Variants in GEN1 observed in about 807,000 individuals in gnomAD.
The protein encoded by GEN1 is flap endonuclease GEN homolog 1.
A neutral mutation model predicts 67.6 loss-of-function variants in GEN1; 64 were observed. The ratio of observed to expected loss-of-function variants is 0.95; its 90% CI spans 0.77 to 1.17. The LOEUF (loss-of-function observed/expected upper bound fraction) is 1.17. Ranked by LOEUF, GEN1 falls within the 50% of genes most tolerant of loss-of-function variation. GEN1 has a pLI of 0.00. For missense variants in GEN1, 1,058 were observed against 1,048.3 expected (o/e 1.01, Z -0.13); for synonymous variants, 371 against 359.4 (o/e 1.03, Z -0.37).
chr2:17,762,492 C>A (rs1671736232), intron 3 of GEN1, among the ~76,000 whole-genome samples: 1 of 152,040 alleles, frequency 6.6e-6, no homozygotes, highest in East Asian at 1.9e-4. Context: ...CAGGTGTGAG[C>A]CCCTGTGCCT....
At chr2:17,760,131 A>G in intron 2 of GEN1, 27 bp downstream of exon 2, 1 of 1,594,698 alleles carries the variant, frequency 6.3e-7, no homozygotes. Flanking sequence ...TACAGTATAA[A>G]TGTATGATGT....
At position 17,765,948 on chromosome 2, in the gene GEN1, AATATATAT is replaced by A. The variant is rs10607623; in HGVS notation, c.526-620_526-613del. On this transcript the variant is annotated intron_variant, in intron 4 of 13. Transcript: ENST00000381254. ...GTTACGGGGAATGTTTACTTTCTATAATATATATATATATATATGTTACAGTGTTTTAT... is the reference window on the plus strand; with the variant it reads ...GTTACGGGGAATGTTTACTTTCTATAATATATATATGTTACAGTGTTTTAT... Among the ~76,000 whole-genome samples the A allele has an allele frequency of 3.4e-5, 5 of 148,970 alleles. No individual in the cohort carries two copies. The East Asian group carries it at 9.8e-4, about 29-fold the overall frequency.
intron 6 of GEN1, among the ~76,000 whole-genome samples, chr2:17,769,337 C>A (rs952019944): frequency 1.8e-4 from 28 of 151,492 alleles, no homozygotes; most frequent in African/African-American, 5.6e-4. Context: ...CTTGGTTTCC[C>A]AAAGTGTTAG....
chr2:17,764,785 A>G lies in GEN1; in HGVS notation c.349-112A>G, dbSNP rs1232391333. On this transcript the variant is annotated intron_variant, in intron 3 of 13. Coordinates refer to ENST00000381254, the MANE Select transcript of GEN1 (RefSeq NM_001130009.3). ...GTGTTTCTTAAATATCGTAATTTTT[A>G]AAACACCAAAATAGCTACTATTAAT... 1.9e-5 allele frequency: 19 copies of G among 976,918 alleles called. No individual in the cohort carries two copies. The East Asian group carries it at 4.5e-4, about 23-fold the overall frequency. 60.5% of individuals were successfully genotyped at this position (976,918 alleles called of 1,614,324 possible). A position where few individuals can be genotyped will look rare whatever the true frequency, so the allele number is the denominator to read the frequency against.
rs980473075 is a variant in GEN1, at chr2:17,768,731, C to G, written c.637-7C>G. On this transcript the variant is annotated splice_region_variant and splice_polypyrimidine_tract_variant and intron_variant, in intron 5 of 13. Transcript: ENST00000381254. ...TTGGAATTATTTTTTTTCCCACTTT[C>G]TGAAAGGGAGTCCCTGGAGTTGGAA... The G allele has an allele frequency of 3.1e-6, 5 of 1,601,466 alleles. No individual in the cohort carries two copies. The highest frequency in any genetic ancestry group is 3.4e-6 in the Non-Finnish European group (4 of 1,171,500).
Position 17,760,034 on chromosome 2 carries a change from C to T in GEN1, c.91C>T (p.Leu31=), listed in dbSNP as rs1315512842. 4 of 1,613,954 alleles carry T rather than the reference C, an allele frequency of 2.5e-6. No individual in the cohort carries two copies. The highest frequency in any genetic ancestry group is 2.7e-5 in the African/African-American group (2 of 74,880). The change falls in exon 2 of 14, where the codon CTG becomes TTG. Residue 31 remains leucine, a synonymous_variant. Transcript: ENST00000381254. ...NLGGKTIAVD[L]SLWVCEAQTV... is the part of the protein sequence containing the mutation. ...TGGTGGGAAAACCATTGCAGTTGAT[C>T]TGAGTCTCTGGGTGTGTGAGGCACA...
chr2:17,768,660 T>A, intron 5 of GEN1, 78 bp from the exon 6 acceptor site: 1 of 1,040,174 alleles, frequency 9.6e-7, no homozygotes, highest in Non-Finnish European at 1.5e-6. Context: ...AGCTGCTGAC[T>A]CTTCCGTTCA....
At position 17,761,537 on chromosome 2, in the gene GEN1, G is replaced by T. The variant is rs144005627; in HGVS notation, c.303G>T (p.Trp101Cys). Residue 101 changes from tryptophan (W) to cysteine (C), a missense_variant, in exon 3 of 14, where the codon TGG becomes TGT. Transcript: ENST00000381254. ...GGTATGGGTCTTCTGGAAAATCGTG[G>T]TCTCAGAAAACAGGGAGATCACATT... The part of the protein sequence containing the change: ...QSRYGSSGKS[W>C]SQKTGRSHFK... The T allele has an allele frequency of 1.4e-5, 23 of 1,612,424 alleles. 1 individual carries two copies. Among genetic ancestry groups the T allele is most frequent in the Non-Finnish European group, 1.9e-5 (23 of 1,179,548 alleles).
At chr2:17,760,882 A>G (rs1308432433) in intron 2 of GEN1, among the ~76,000 whole-genome samples, 1 of 150,556 alleles carries the variant, frequency 6.6e-6, no homozygotes, top group African/African-American at 2.5e-5. Context: ...AGATCACACC[A>G]CTGCACTCCA....
intron 4 of GEN1, 142 bp downstream of exon 4, chr2:17,765,215 A>C (rs1671870653): frequency 1.4e-6 from 1 of 699,712 alleles, no homozygotes; most frequent in Non-Finnish European, 2.3e-6. Context: ...TACTGTTATT[A>C]AAAATCATTG....
At chr2:17,753,336 C>A, upstream of GEN1, among the ~76,000 whole-genome samples, 1 of 151,684 alleles carries the variant, frequency 6.6e-6, no homozygotes, top group South Asian at 2.1e-4. Context: ...GGGACGGCCG[C>A]CTGGGAGGGG....
At position 17,780,125 on chromosome 2, in the gene GEN1, A is replaced by G. The variant is rs1672755355; in HGVS notation, c.1408+4A>G. Reference sequence around the variant, plus strand: ...ATTAAAGGGAAGAAACAAAAACGTAAGTTTTGGGTTTGATAGCTATTTATG... The same window carrying G: ...ATTAAAGGGAAGAAACAAAAACGTAGGTTTTGGGTTTGATAGCTATTTATG... On this transcript the variant is annotated splice_donor_region_variant and intron_variant, in intron 13 of 13. Transcript: ENST00000381254. 6.2e-6 allele frequency: 10 copies of G among 1,609,636 alleles called. No homozygotes were observed. The East Asian group carries it at 2.2e-4, about 36-fold the overall frequency.
In GEN1 at chr2:17,761,534, G is replaced by A. The variant is rs747268551; in HGVS notation, c.300G>A (p.Ser100=). 9.3e-6 allele frequency: 15 copies of A among 1,612,460 alleles called. No homozygotes were observed. Among genetic ancestry groups the A allele is most frequent in the Admixed American group, 1.7e-5 (1 of 59,698 alleles). Residue 100 remains serine (S), a synonymous_variant, in exon 3 of 14, where the codon TCG becomes TCA. Transcript: ENST00000381254. ...NQSRYGSSGK[S]WSQKTGRSHF... ...CTCGGTATGGGTCTTCTGGAAAATC[G>A]TGGTCTCAGAAAACAGGGAGATCAC...
chr2:17,756,920 T>C (rs945640271), intron 1 of GEN1, among the ~76,000 whole-genome samples: 1 of 152,216 alleles, frequency 6.6e-6, no homozygotes, highest in Non-Finnish European at 1.5e-5. Flanking sequence ...CTTCTTAATA[T>C]CACTTCCGCG....
intron 1 of GEN1, chr2:17,755,810 T>A (rs1671408275): frequency 6.6e-6 from 1 of 152,238 alleles, no homozygotes; most frequent in African/African-American, 2.4e-5. Flanking sequence ...TTAGTGAAAT[T>A]AACAAGGTTC....
In GEN1 at chr2:17,764,951, G is replaced by A; in HGVS notation, c.403G>A (p.Ala135Thr). The change falls in exon 4 of 14, where the codon GCT becomes ACT. Residue 135 changes from alanine to threonine, a missense_variant. Coordinates refer to ENST00000381254, the MANE Select transcript of GEN1 (RefSeq NM_001130009.3). ...CCCCTGGGTTCAGGCTGCTGGGGAA[G>A]CTGAAGCCATGTGTGCTTATCTCAA... ...GIPWVQAAGE[A>T]EAMCAYLNAG... 6.2e-7 allele frequency: 1 copy of A among 1,614,158 alleles called. No individual in the cohort carries two copies. The highest frequency in any genetic ancestry group is 2.2e-5 in the East Asian group (1 of 44,882).
rs1455050853 is a variant in GEN1 at position 17,782,044 on chromosome 2, CTG to C, written c.*109_*110del. ...TGTGTGGTAAAAATTTTAATGTTCTCTGTGTCATGAAACACTTGCCATTTTAA... is the reference window on the plus strand; with the variant it reads ...TGTGTGGTAAAAATTTTAATGTTCTCTGTCATGAAACACTTGCCATTTTAA... On this transcript the variant is annotated 3_prime_UTR_variant, in exon 14 of 14. Transcript: ENST00000381254. The C allele has an allele frequency of 9.5e-6, 6 of 631,812 alleles. No homozygotes were observed. The highest frequency in any genetic ancestry group is 1.9e-5 in the African/African-American group (1 of 53,446). The allele number at this position is 631,812 out of a possible 1,614,324, so 39.1% of individuals were successfully genotyped here.
In GEN1 at chr2:17,780,044, T is replaced by A; in HGVS notation, c.1331T>A (p.Leu444Ter). Residue 444 changes from leucine to a stop codon, truncating the protein, a stop_gained, in exon 13 of 14, where the codon TTG (leucine) becomes TAG (stop). Coordinates refer to ENST00000381254, the MANE Select transcript of GEN1 (RefSeq NM_001130009.3). LOFTEE classifies it high-confidence loss of function. ...TTATTAACAATTGAGGAAGAATCAT[T>A]GTTTGAAGCAGCATATCCTGAGATC... The part of the protein sequence containing the change: ...FALLTIEEES[L>*]FEAAYPEIVA... The A allele has an allele frequency of 3.1e-6, 5 of 1,607,470 alleles. No individual in the cohort carries two copies. Among genetic ancestry groups the A allele is most frequent in the Non-Finnish European group, 4.3e-6 (5 of 1,174,086 alleles).
intron 13 of GEN1, 21 bp from the exon 14 acceptor site, chr2:17,780,600 A>G (rs746206123): frequency 5.1e-6 from 7 of 1,381,222 alleles, no homozygotes; most frequent in Non-Finnish European, 5.0e-6. Flanking sequence ...TGTTGATTAT[A>G]TGTATTTTTT....
Sources: allele counts gnomAD v4.1 joint callset (sites outside exome capture counted in the v4.1 genomes callset), GRCh38; gene constraint gnomAD v4.1.1; transcripts MANE v1.5; gene names NCBI Gene and HGNC (gene_info 2026-07-23, HGNC 2026-07-21).